ALK: variants seen among roughly 807,000 people sequenced by gnomAD.
ALK encodes ALK receptor tyrosine kinase.
ALK carries 74 observed loss-of-function variants against 163.1 expected under a neutral mutation model. The observed-to-expected ratio is 0.45, with a 90% CI of 0.38 to 0.55. ALK has a LOEUF of 0.55. Among genes scored for constraint, ALK ranks in the 20% least tolerant of loss-of-function variants. ALK has a pLI of 0.00. For synonymous variants in ALK, 960 were observed against 843.2 expected, an observed-to-expected ratio of 1.14 and a Z score of -2.40; for missense variants, 2,063 against 2,105.3, an observed-to-expected ratio of 0.98 and a Z score of 0.39.
chr2:29,840,177 T>G (rs78083200), intron 1 of ALK, among the ~76,000 whole-genome samples: 4,976 of 152,294 alleles, frequency 0.033, 158 homozygotes, highest in African/African-American at 0.082. Context: ...CTCTTTCTTT[T>G]AAGTCACTTA....
intron 3 of ALK, among the ~76,000 whole-genome samples, chr2:29,616,386 C>T (rs988529729): frequency 3.9e-5 from 6 of 152,118 alleles, no homozygotes; most frequent in Admixed American, 2.0e-4. Flanking sequence ...CCTCAAATTC[C>T]CTATCTAGGA....
chr2:29,920,749 G>T lies in ALK; in HGVS notation c.-90C>A. On this transcript the variant is annotated 5_prime_UTR_variant, in exon 1 of 29. Transcript: ENST00000389048. The stretch of plus-strand genomic sequence containing the variant: ...TGGGAAGAGGCTCTGAACAGTCCTT[G>T]GTACCCAGCGGCTCCTTCCACCTGA... 1 of 1,196,010 alleles carries T rather than the reference G, an allele frequency of 8.4e-7. No individual in the cohort carries two copies. Among genetic ancestry groups the T allele is most frequent in the South Asian group, 1.4e-5 (1 of 73,618 alleles). The allele number at this position is 1,196,010 out of a possible 1,614,324, so 74.1% of individuals were successfully genotyped here.
intron 4 of ALK, among the ~76,000 whole-genome samples, chr2:29,433,460 C>A (rs920164021): frequency 6.6e-6 from 1 of 152,204 alleles, no homozygotes; most frequent in Non-Finnish European, 1.5e-5. Flanking sequence ...TTGTTCCCCC[C>A]AAGTGCTTAC....
Position 29,417,880 on chromosome 2 carries a change from C to T in ALK, c.1155-34021G>A, listed in dbSNP as rs186483574. 6.6e-5 allele frequency among the ~76,000 whole-genome samples: 10 copies of T among 152,306 alleles called. No homozygotes were observed. The East Asian group carries it at 1.9e-3, about 29-fold the overall frequency. On this transcript the variant is annotated intron_variant, in intron 4 of 28. Coordinates refer to ENST00000389048, the MANE Select transcript of ALK (RefSeq NM_004304.5). ...CATAACAGCATGCTTTAGACCCGAA[C>T]GCATTTACCCTAGTGGCTGAGCTTG...
At chr2:29,903,250 C>T (rs1667462151) in intron 1 of ALK, among the ~76,000 whole-genome samples, 1 of 152,128 alleles carries the variant, frequency 6.6e-6, no homozygotes, top group Non-Finnish European at 1.5e-5. Context: ...GTCAGTGAAC[C>T]ATTAAGAATT....
At position 29,523,765 on chromosome 2, in the gene ALK, CAG is replaced by C. The variant is rs562568896; in HGVS notation, c.1154+8148_1154+8149del. ...TGTTCAATCCATCAAACATCCAGGG[CAG>C]AGTGAGAAAGCAAAAGCAGCAGCTC... On this transcript the variant is annotated intron_variant, in intron 4 of 28. Transcript: ENST00000389048. Among the ~76,000 whole-genome samples, 64 of 151,242 alleles carry C rather than the reference CAG, an allele frequency of 4.2e-4. 1 individual carries two copies. Among genetic ancestry groups the C allele is most frequent in the African/African-American group, 1.5e-3 (61 of 41,084 alleles).
chr2:29,254,256 G>A (rs978285113), intron 11 of ALK, among the ~76,000 whole-genome samples: 9 of 152,124 alleles, frequency 5.9e-5, no homozygotes, highest in African/African-American at 2.2e-4. Flanking sequence ...TTTATTAGCA[G>A]CATGAGAATG....
At chr2:29,865,548 C>G (rs1666412254) in intron 1 of ALK, among the ~76,000 whole-genome samples, 1 of 152,198 alleles carries the variant, frequency 6.6e-6, no homozygotes, top group Admixed American at 6.5e-5. Flanking sequence ...CATTCTCCTT[C>G]TCTCTCTCCC....
At chr2:29,493,847 C>G (rs1671960329) in intron 4 of ALK, among the ~76,000 whole-genome samples, 1 of 152,174 alleles carries the variant, frequency 6.6e-6, no homozygotes, top group South Asian at 2.1e-4. Flanking sequence ...GTGAGGCAGC[C>G]CAGTGAGGCC....
At chr2:29,717,840 C>T (rs183543786) in intron 1 of ALK, 143 bp from the exon 2 acceptor site, 2 of 1,040,918 alleles carry the variant, frequency 1.9e-6, no homozygotes, top group Admixed American at 3.7e-5. Flanking sequence ...ATTGAGCCAC[C>T]AGTAGACTGA....
In ALK at chr2:29,225,488, C is replaced by T. The variant is rs143452915; in HGVS notation, c.3145G>A (p.Val1049Ile). The part of the protein sequence containing the change: ...VVTSALVAAL[V>I]LAFSGIMIVY... ...ATCATGATGCCGGAGAAAGCCAGGA[C>T]CAGGGCGGCCACGAGGGCAGAGGTC... The change falls in exon 19 of 29, where the codon GTC (valine) becomes ATC (isoleucine). Residue 1049 changes from valine to isoleucine, a missense_variant. This residue lies in a region of ALK where 575 missense variants were observed against 626.6 expected (regional missense o/e 0.92). Coordinates refer to ENST00000389048, the MANE Select transcript of ALK (RefSeq NM_004304.5). 1 of 1,613,376 alleles carries T rather than the reference C, an allele frequency of 6.2e-7. No individual in the cohort carries two copies. The highest frequency in any genetic ancestry group is 8.5e-7 in the Non-Finnish European group (1 of 1,179,942).
Position 29,273,630 on chromosome 2 carries a change from C to G in ALK, c.2041+1469G>C, listed in dbSNP as rs368810251. On this transcript the variant is annotated intron_variant, in intron 11 of 28. Coordinates refer to ENST00000389048, the MANE Select transcript of ALK (RefSeq NM_004304.5). The stretch of plus-strand genomic sequence containing the variant: ...CTGACACCTGAGATCCAAGCTCAGG[C>G]ATCCAGCCACCCACTAGTCAATAGA... Among the ~76,000 whole-genome samples, 39 of 152,184 alleles carry G rather than the reference C, an allele frequency of 2.6e-4. No individual in the cohort carries two copies. The East Asian group carries it at 3.9e-3, about 15-fold the overall frequency.
At chr2:29,795,341 T>C (rs901368054) in intron 1 of ALK, among the ~76,000 whole-genome samples, 2 of 152,224 alleles carry the variant, frequency 1.3e-5, no homozygotes, top group African/African-American at 4.8e-5. Context: ...TTGCGTGAGA[T>C]AAGCATTCTT....
At chr2:29,460,274 C>T (rs1671054589) in intron 4 of ALK, among the ~76,000 whole-genome samples, 2 of 152,174 alleles carry the variant, frequency 1.3e-5, no homozygotes, top group Admixed American at 6.5e-5. Context: ...TAGCATTATG[C>T]CATGCTGCTT....
At chr2:29,569,531 G>T (rs1674294110) in intron 3 of ALK, among the ~76,000 whole-genome samples, 1 of 150,930 alleles carries the variant, frequency 6.6e-6, no homozygotes, top group South Asian at 2.1e-4. Flanking sequence ...CAAAGAACAT[G>T]CCCAGTAAAT....
intron 1 of ALK, among the ~76,000 whole-genome samples, chr2:29,758,794 G>A (rs1680614210): frequency 6.6e-6 from 1 of 152,162 alleles, no homozygotes; most frequent in Non-Finnish European, 1.5e-5. Context: ...TCAAATTCCT[G>A]TTTTCTGGAC....
intron 3 of ALK, among the ~76,000 whole-genome samples, chr2:29,583,036 T>C (rs898737355): frequency 1.0e-4 from 8 of 77,042 alleles, no homozygotes; most frequent in Non-Finnish European, 2.0e-4. Context: ...CTAACTTTTG[T>C]TTTTTGTTTT....
At chr2:29,843,689 C>T (rs1159917100) in intron 1 of ALK, among the ~76,000 whole-genome samples, 2 of 152,138 alleles carry the variant, frequency 1.3e-5, no homozygotes, top group Admixed American at 1.3e-4. Flanking sequence ...ACAAAACCTC[C>T]CATAATTTGT....
chr2:29,338,934 G>T (rs1667707328), intron 5 of ALK, among the ~76,000 whole-genome samples: 1 of 152,182 alleles, frequency 6.6e-6, no homozygotes, highest in Admixed American at 6.5e-5. Context: ...CCAGCACTGG[G>T]GTGACAGTGG....
Sources: gnomAD v4.1 joint callset for allele counts (sites outside exome capture counted in the v4.1 genomes callset) on GRCh38, gnomAD v4.1.1 for gene constraint, gnomAD v4.1.1 regional missense constraint, MANE v1.5 for transcripts, NCBI Gene and HGNC (gene_info 2026-07-23, HGNC 2026-07-21) for gene names.